RNF17: variants seen among roughly 807,000 people sequenced by gnomAD.
The protein encoded by RNF17 is ring finger protein 17.
Under a neutral mutation model 200.5 loss-of-function variants are expected in RNF17, and 31 were observed. The observed-to-expected ratio is 0.15, with a 90% CI of 0.12 to 0.21. The LOEUF (loss-of-function observed/expected upper bound fraction) is 0.21, where lower values mean the gene tolerates loss of function less well. Among genes scored for constraint, RNF17 ranks in the 10% least tolerant of loss-of-function variants. The probability of loss-of-function intolerance (pLI) is 1.00; values close to 1 mark genes in which losing one functional copy is unlikely to be tolerated. For synonymous variants in RNF17, 606 were observed against 637.8 expected, an observed-to-expected ratio of 0.95 and a Z score of 0.75; for missense variants, 1,628 against 1,905.1, an observed-to-expected ratio of 0.85 and a Z score of 2.71.
downstream of RNF17, among the ~76,000 whole-genome samples, chr13:24,881,856 A>G (rs1365996258): frequency 1.0e-5 from 1 of 100,270 alleles, no homozygotes; most frequent in African/African-American, 3.1e-5. Flanking sequence ...ATACATCTAT[A>G]TAGATATATA....
intron 31 of RNF17, among the ~76,000 whole-genome samples, chr13:24,869,371 T>C (rs528203788): frequency 6.6e-6 from 1 of 152,348 alleles, no homozygotes; most frequent in South Asian, 2.1e-4. Flanking sequence ...CATGTTATGC[T>C]CTATATAGTT....
chr13:24,788,915 A>G (rs1883480970), intron 7 of RNF17, among the ~76,000 whole-genome samples: 1 of 152,170 alleles, frequency 6.6e-6, no homozygotes, highest in South Asian at 2.1e-4. Context: ...ACAATTTGCC[A>G]TGACCCTACT....
At chr13:24,800,732 A>G (rs907576153) in intron 13 of RNF17, among the ~76,000 whole-genome samples, 198 bp downstream of exon 13, 2 of 152,206 alleles carry the variant, frequency 1.3e-5, no homozygotes, top group Admixed American at 1.3e-4. Context: ...TGGGAAATGG[A>G]GTTGAATAAG....
the RNF17 span, among the ~76,000 whole-genome samples, chr13:24,749,307 CTTTT>C: frequency 9.3e-6 from 1 of 108,032 alleles, no homozygotes; most frequent in African/African-American, 3.5e-5. Flanking sequence ...TTCTTTCTTT[CTTTT>C]TTTTTTTTTT....
intron 28 of RNF17, among the ~76,000 whole-genome samples, chr13:24,864,365 TGAA>T (rs1893410049): frequency 6.6e-6 from 1 of 152,134 alleles, no homozygotes; most frequent in African/African-American, 2.4e-5. Flanking sequence ...TCAGTGGAAA[TGAA>T]GAGAATTGCT....
intron 10 of RNF17, among the ~76,000 whole-genome samples, chr13:24,795,687 G>T (rs1566144034): frequency 6.6e-6 from 1 of 152,068 alleles, no homozygotes; most frequent in Admixed American, 6.6e-5. Context: ...GAGTCAGAGT[G>T]GCTATGAGCT....
rs1202432065 is a variant in RNF17 at position 24,764,169 on chromosome 13, G to A, written c.-35G>A. ...GCTGCCGCGAGGGCCGCCGGGACTC[G>A]CACTCGGCGGTTGTTCCAGAAGAAA... On this transcript the variant is annotated 5_prime_UTR_variant, in exon 1 of 36. Coordinates refer to ENST00000255324, the MANE Select transcript of RNF17 (RefSeq NM_031277.3). 7 of 1,549,686 alleles carry A rather than the reference G, an allele frequency of 4.5e-6. No individual in the cohort carries two copies. Among genetic ancestry groups the A allele is most frequent in the East Asian group, 2.3e-5 (1 of 43,702 alleles).
At chr13:24,812,713 G>T (rs1374442973) in intron 15 of RNF17, among the ~76,000 whole-genome samples, 1 of 122,258 alleles carries the variant, frequency 8.2e-6, no homozygotes, top group Non-Finnish European at 1.6e-5. Context: ...ACGCAGTCTC[G>T]CTCTGTCGCC....
At chr13:24,856,980 T>C (rs1346864764) in intron 25 of RNF17, among the ~76,000 whole-genome samples, 1 of 152,160 alleles carries the variant, frequency 6.6e-6, no homozygotes, top group East Asian at 1.9e-4. Context: ...GAAAGGTGAC[T>C]TTTTTGAGAA....
intron 2 of RNF17, among the ~76,000 whole-genome samples, chr13:24,774,143 A>G (rs747301070): frequency 3.3e-5 from 5 of 152,192 alleles, no homozygotes; most frequent in Non-Finnish European, 5.9e-5. Flanking sequence ...CTATTGAACC[A>G]CATGATTTTA....
intron 18 of RNF17, among the ~76,000 whole-genome samples, chr13:24,840,280 T>A (rs753813709): frequency 1.8e-4 from 27 of 152,210 alleles, no homozygotes; most frequent in South Asian, 4.1e-4. Context: ...CTGGCAGGAT[T>A]GTAAACTAGT....
intron 26 of RNF17, 56 bp from the exon 27 acceptor site, chr13:24,861,212 G>GT (rs1336635241): frequency 9.8e-6 from 14 of 1,433,184 alleles, no homozygotes; most frequent in Admixed American, 3.9e-5. Context: ...AATTCCTTTT[G>GT]TCCCCTAGCT....
At chr13:24,763,509 G>A (rs1263421394), upstream of RNF17, among the ~76,000 whole-genome samples, 1 of 151,648 alleles carries the variant, frequency 6.6e-6, no homozygotes, top group Non-Finnish European at 1.5e-5. Flanking sequence ...GAGCCACCGC[G>A]CCGGGCCCAG....
intron 15 of RNF17, among the ~76,000 whole-genome samples, chr13:24,821,366 C>A (rs1425753558): frequency 6.6e-6 from 1 of 152,142 alleles, no homozygotes; most frequent in African/African-American, 2.4e-5. Flanking sequence ...CAACTCCTAA[C>A]ATTAGACTTC....
At chr13:24,760,145 A>AAT (rs1878597254), upstream of RNF17, among the ~76,000 whole-genome samples, 2 of 152,090 alleles carry the variant, frequency 1.3e-5, no homozygotes, top group African/African-American at 2.4e-5. Flanking sequence ...CATCTCAAAA[A>AAT]ATATATATAT....
downstream of RNF17, among the ~76,000 whole-genome samples, chr13:24,881,696 A>C (rs1342735355): frequency 5.3e-5 from 8 of 149,690 alleles, no homozygotes; most frequent in South Asian, 2.1e-4. Flanking sequence ...AGATATCTAT[A>C]TAGATTATCT....
intron 25 of RNF17, among the ~76,000 whole-genome samples, chr13:24,858,595 T>TATATA (rs1555287536): frequency 6.6e-6 from 1 of 150,862 alleles, no homozygotes; most frequent in African/African-American, 2.4e-5. Context: ...TATATATATG[T>TATATA]TTACTGTGGA....
chr13:24,762,366 T>A (rs1298430883), upstream of RNF17, among the ~76,000 whole-genome samples: 1 of 60,318 alleles, frequency 1.7e-5, no homozygotes, highest in Non-Finnish European at 3.3e-5. Context: ...AAGACTCCAT[T>A]TCTAAAAAAA....
rs1277736260 is a variant in RNF17, at chr13:24,853,877, C to T, written c.3343C>T (p.His1115Tyr). Residue 1115 changes from histidine to tyrosine, a missense_variant, in exon 25 of 36, where the codon CAT (histidine) becomes TAT (tyrosine). This residue lies in a region of RNF17 where 609 missense variants were observed against 681.9 expected (regional missense o/e 0.89). Transcript: ENST00000255324. ...ERRINNLDNSHSLSEKSLEVP... is the reference protein window; with the variant it reads ...ERRINNLDNSYSLSEKSLEVP... ...CAGAATTAATAACTTAGATAACAGCCATTCATTATCTGAGAAGTCTCTGGA... is the reference window on the plus strand; with the variant it reads ...CAGAATTAATAACTTAGATAACAGCTATTCATTATCTGAGAAGTCTCTGGA... 1.2e-6 allele frequency: 2 copies of T among 1,607,238 alleles called. No individual in the cohort carries two copies. Among genetic ancestry groups the T allele is most frequent in the Admixed American group, 3.4e-5 (2 of 59,048 alleles).
Sources: gnomAD v4.1 joint callset for allele counts (sites outside exome capture counted in the v4.1 genomes callset) on GRCh38, gnomAD v4.1.1 for gene constraint, gnomAD v4.1.1 regional missense constraint, MANE v1.5 for transcripts, NCBI Gene and HGNC (gene_info 2026-07-23, HGNC 2026-07-21) for gene names.